LARP1B: variants seen among roughly 807,000 people sequenced by gnomAD.
LARP1B encodes the protein la-related protein 1B.
LARP1B carries 76 observed loss-of-function variants against 114.2 expected under a neutral mutation model. That is an observed-to-expected ratio of 0.67 (90% CI 0.55 to 0.81). LARP1B has a LOEUF of 0.81. LARP1B is among the 30% of genes least tolerant of loss of function. The probability of loss-of-function intolerance (pLI) is 0.00; values close to 1 mark genes in which losing one functional copy is unlikely to be tolerated. For synonymous variants in LARP1B, 345 were observed against 348.0 expected (o/e 0.99, Z 0.10); for missense variants, 1,014 against 1,075.8 (o/e 0.94, Z 0.80).
At chr4:128,174,033 G>A (rs1554053648) in intron 12 of LARP1B, among the ~76,000 whole-genome samples, 1 of 152,146 alleles carries the variant, frequency 6.6e-6, no homozygotes, top group East Asian at 1.9e-4. Context: ...TATATACTTG[G>A]AATGTTTCAC....
At chr4:128,203,023 C>G (rs1163013156) in intron 17 of LARP1B, among the ~76,000 whole-genome samples, 1 of 152,126 alleles carries the variant, frequency 6.6e-6, no homozygotes, top group African/African-American at 2.4e-5. Flanking sequence ...CATGGCAAAA[C>G]CCCGTCTCTT....
At chr4:128,194,565 C>T (rs889977797) in intron 15 of LARP1B, among the ~76,000 whole-genome samples, 1 of 151,192 alleles carries the variant, frequency 6.6e-6, no homozygotes, top group African/African-American at 2.4e-5. Flanking sequence ...CGCCTGTAGT[C>T]CCAGCTACTC....
At chr4:128,115,422 T>C (rs1785462263) in intron 10 of LARP1B, among the ~76,000 whole-genome samples, 2 of 152,056 alleles carry the variant, frequency 1.3e-5, no homozygotes, top group Non-Finnish European at 2.9e-5. Context: ...AGTTAGCTAA[T>C]GCTAATTTTT....
chr4:128,061,414 G>A lies in LARP1B; in HGVS notation c.-78+13G>A, dbSNP rs899215042. The A allele has an allele frequency of 6.5e-6, 1 of 153,358 alleles. No homozygotes were observed. Among genetic ancestry groups the A allele is most frequent in the African/African-American group, 2.4e-5 (1 of 41,408 alleles). 9.5% of individuals were successfully genotyped at this position (153,358 alleles called of 1,614,324 possible). On this transcript the variant is annotated intron_variant, in intron 1 of 19. Transcript: ENST00000326639. The stretch of plus-strand genomic sequence containing the variant: ...TGCCCTGCGCCAGGTGAGGGCTCGC[G>A]GCTCCCGGCTGCGGCTCCCGGCGCG...
chr4:128,174,896 A>AC (rs1745259574), intron 12 of LARP1B, among the ~76,000 whole-genome samples: 1 of 152,096 alleles, frequency 6.6e-6, no homozygotes, highest in Non-Finnish European at 1.5e-5. Flanking sequence ...ATCATCTACT[A>AC]CCCAGTATAT....
chr4:128,180,175 CT>C lies in LARP1B; in HGVS notation c.2003+665del, dbSNP rs374406591. ...CTCTGTTACCTAGGATGGTCTCAAA[CT>C]TCTGGCCTCAAGCAGTCCTCCTACC... On this transcript the variant is annotated intron_variant, in intron 15 of 19. Coordinates refer to ENST00000326639, the MANE Select transcript of LARP1B (RefSeq NM_018078.4). Among the ~76,000 whole-genome samples, 458 of 152,144 alleles carry C rather than the reference CT, an allele frequency of 3.0e-3. 4 individuals are homozygous for C. Among genetic ancestry groups the C allele is most frequent in the African/African-American group, 0.011 (440 of 41,506 alleles).
Position 128,091,353 on chromosome 4 carries a change from T to C in LARP1B, c.509T>C (p.Phe170Ser), listed in dbSNP as rs368253453. 1.2e-6 allele frequency: 2 copies of C among 1,606,700 alleles called. No homozygotes were observed. Among genetic ancestry groups the C allele is most frequent in the African/African-American group, 2.7e-5 (2 of 74,700 alleles). Residue 170 changes from phenylalanine to serine, a missense_variant, in exon 7 of 20, where the codon TTT becomes TCT. Coordinates refer to ENST00000326639, the MANE Select transcript of LARP1B (RefSeq NM_018078.4). ...TTTCTTTATTCACATCAAGTGAACTTTGATTATTCATATGGTTATCAAGAA... is the reference window on the plus strand; with the variant it reads ...TTTCTTTATTCACATCAAGTGAACTCTGATTATTCATATGGTTATCAAGAA... ...GRGRGNPRLN[F>S]DYSYGYQEHG... is the part of the protein sequence containing the mutation.
At chr4:128,064,203 C>T (rs1761533607) in intron 1 of LARP1B, among the ~76,000 whole-genome samples, 2 of 130,566 alleles carry the variant, frequency 1.5e-5, no homozygotes, top group Admixed American at 9.7e-5. Context: ...ACCCGGGAGA[C>T]GGAGGTTGCA....
chr4:128,089,970 G>A lies in LARP1B; in HGVS notation c.359-1031G>A, dbSNP rs145610890. ...GTATTTTTGGTAGAGGCAGGGTTTCGCCATGTTTCCCAGGCTGGTCTTGAA... is the reference window on the plus strand; with the variant it reads ...GTATTTTTGGTAGAGGCAGGGTTTCACCATGTTTCCCAGGCTGGTCTTGAA... On this transcript the variant is annotated intron_variant, in intron 5 of 19. Transcript: ENST00000326639. Among the ~76,000 whole-genome samples, 201 of 151,324 alleles carry A rather than the reference G, an allele frequency of 1.3e-3. 5 individuals carry two copies. In the East Asian group the frequency reaches 0.029, roughly 22 times the overall value.
chr4:128,117,403 T>C (rs573385417), intron 10 of LARP1B, among the ~76,000 whole-genome samples: 1 of 152,106 alleles, frequency 6.6e-6, no homozygotes, highest in African/African-American at 2.4e-5. Flanking sequence ...TTTATTTTTT[T>C]CAGACAGAAT....
intron 11 of LARP1B, chr4:128,123,341 G>A (rs1580713699): frequency 2.0e-6 from 2 of 985,248 alleles, no homozygotes; most frequent in Non-Finnish European, 2.4e-6. Flanking sequence ...GTCTTTCCTA[G>A]TGTAAGCATT....
chr4:128,117,643 C>T (rs1474732105), intron 10 of LARP1B, among the ~76,000 whole-genome samples: 6 of 151,994 alleles, frequency 3.9e-5, no homozygotes, highest in Non-Finnish European at 5.9e-5. Context: ...CTCGGCCTCC[C>T]AAAGTGCTGG....
intron 17 of LARP1B, among the ~76,000 whole-genome samples, chr4:128,204,769 A>AATGAT (rs922967817): frequency 1.3e-5 from 2 of 152,136 alleles, no homozygotes; most frequent in Non-Finnish European, 2.9e-5. Flanking sequence ...CTCCATTCCC[A>AATGAT]ATGATATGCT....
intron 11 of LARP1B, among the ~76,000 whole-genome samples, chr4:128,158,122 T>C (rs917723683): frequency 3.9e-5 from 6 of 152,266 alleles, no homozygotes; most frequent in East Asian, 1.9e-4. Context: ...TTAGAAGATA[T>C]AATATTTCTA....
At chr4:128,085,917 C>T (rs960256315) in intron 5 of LARP1B, among the ~76,000 whole-genome samples, 1 of 151,958 alleles carries the variant, frequency 6.6e-6, no homozygotes, top group Non-Finnish European at 1.5e-5. Context: ...ACATTTCCAT[C>T]AGCAACTTTT....
chr4:128,101,852 A>G (rs1344700658), intron 8 of LARP1B, among the ~76,000 whole-genome samples: 2 of 152,170 alleles, frequency 1.3e-5, no homozygotes, highest in East Asian at 1.9e-4. Flanking sequence ...GCCGTTTTTT[A>G]TGAAGTTGTT....
rs200997292 is a variant in LARP1B, at chr4:128,168,288, TA to T, written c.1648+5977del. ...CATTTAGTATTGTTAGTTTTTTTTT[TA>T]AAAAATTTTGCCCATCTAATAGTAG... On this transcript the variant is annotated intron_variant, in intron 12 of 19. Transcript: ENST00000326639. Among the ~76,000 whole-genome samples the T allele has an allele frequency of 4.8e-4, 73 of 150,846 alleles. 1 individual carries two copies. The East Asian group carries it at 9.7e-3, about 20-fold the overall frequency.
intron 1 of LARP1B, among the ~76,000 whole-genome samples, chr4:128,064,946 ACT>A (rs1203918673): frequency 2.0e-5 from 3 of 152,110 alleles, no homozygotes; most frequent in African/African-American, 7.2e-5. Flanking sequence ...TGATAATAGA[ACT>A]TTAAAAACTG....
At chr4:128,086,809 CT>C (rs1198058733) in intron 5 of LARP1B, among the ~76,000 whole-genome samples, 2 of 150,236 alleles carry the variant, frequency 1.3e-5, no homozygotes, top group East Asian at 2.0e-4. Context: ...TTCCATTAGT[CT>C]TTTTTTTTGA....
Sources: gnomAD v4.1 joint callset for allele counts (sites outside exome capture counted in the v4.1 genomes callset) on GRCh38, gnomAD v4.1.1 for gene constraint, MANE v1.5 for transcripts, NCBI Gene and HGNC (gene_info 2026-07-23, HGNC 2026-07-21) for gene names.